The following ANO2 variants were observed in gnomAD, a reference collection of about 807,000 sequenced individuals.
ANO2 encodes anoctamin-2.
A neutral mutation model predicts 124.2 loss-of-function variants in ANO2; 101 were observed. The observed-to-expected ratio is 0.81, with a 90% CI of 0.69 to 0.96. The LOEUF is 0.96. Among genes scored for constraint, ANO2 ranks in the 40% least tolerant of loss-of-function variants. The pLI, the probability that ANO2 is intolerant of heterozygous loss-of-function variation, is 0.00. For synonymous variants in ANO2, 486 were observed against 482.5 expected (o/e 1.01, Z -0.09); for missense variants, 1,293 against 1,274.5 (o/e 1.01, Z -0.22).
chr12:5,827,302 C>T lies in ANO2; in HGVS notation c.892+467G>A, dbSNP rs1382036970. ...GAATGCTGAAGTTAGAAGAGGCTCA[C>T]TCAGACTCAGCTATCACGTGCTGTG... On this transcript the variant is annotated intron_variant, in intron 7 of 24. Transcript: ENST00000682330. Among the ~76,000 whole-genome samples the T allele has an allele frequency of 2.6e-5, 4 of 152,310 alleles. No homozygotes were observed. The East Asian group carries it at 7.7e-4, about 29-fold the overall frequency.
chr12:5,884,808 C>T (rs139405030), intron 3 of ANO2, among the ~76,000 whole-genome samples: 1 of 152,310 alleles, frequency 6.6e-6, no homozygotes, highest in South Asian at 2.1e-4. Flanking sequence ...GGCAAACCCA[C>T]TCTCCTCCCA....
intron 7 of ANO2, among the ~76,000 whole-genome samples, chr12:5,812,591 G>GAAGA (rs1555168013): frequency 9.3e-6 from 1 of 106,990 alleles, no homozygotes; most frequent in African/African-American, 3.6e-5. Flanking sequence ...GAGAAAGAAA[G>GAAGA]AGGAAGAAGA....
At chr12:5,903,375 T>C (rs1291672624) in intron 3 of ANO2, among the ~76,000 whole-genome samples, 1 of 152,210 alleles carries the variant, frequency 6.6e-6, no homozygotes, top group Non-Finnish European at 1.5e-5. Context: ...TTTAATTATT[T>C]GTTTCCTGGA....
intron 3 of ANO2, among the ~76,000 whole-genome samples, chr12:5,907,406 G>T: frequency 6.6e-6 from 1 of 152,156 alleles, no homozygotes. Flanking sequence ...CATAATCATG[G>T]TATTCAAATA....
intron 14 of ANO2, among the ~76,000 whole-genome samples, chr12:5,694,068 G>A (rs1261273235): frequency 1.3e-5 from 2 of 152,108 alleles, no homozygotes; most frequent in African/African-American, 4.8e-5. Flanking sequence ...CAGCCCCAGA[G>A]TTTGTGCCTG....
chr12:5,760,563 T>C (rs913330836), intron 10 of ANO2, among the ~76,000 whole-genome samples: 3 of 152,204 alleles, frequency 2.0e-5, no homozygotes, highest in South Asian at 4.1e-4. Context: ...TGCTAGCTTT[T>C]AGGGGTTTCC....
chr12:5,858,655 T>C (rs1045523557), intron 3 of ANO2: 1 of 152,242 alleles, frequency 6.6e-6, no homozygotes, highest in Non-Finnish European at 1.5e-5. Context: ...GCATGGCTGT[T>C]GTGAGAACTG....
At chr12:5,748,459 T>C (rs769755271) in intron 11 of ANO2, among the ~76,000 whole-genome samples, 1 of 152,190 alleles carries the variant, frequency 6.6e-6, no homozygotes, top group Non-Finnish European at 1.5e-5. Flanking sequence ...GGAAAACTTC[T>C]CTGCTTATTA....
intron 15 of ANO2, 61 bp downstream of exon 15, chr12:5,647,666 A>T: frequency 8.1e-7 from 1 of 1,235,712 alleles, no homozygotes; most frequent in Non-Finnish European, 1.2e-6. Flanking sequence ...TACCCACAGT[A>T]GTCACATAAC....
At chr12:5,705,936 G>C (rs1949591022) in intron 14 of ANO2, among the ~76,000 whole-genome samples, 1 of 152,164 alleles carries the variant, frequency 6.6e-6, no homozygotes, top group South Asian at 2.1e-4. Context: ...GGTTCACAAA[G>C]CCCTGTGGCT....
intron 3 of ANO2, chr12:5,858,728 G>C (rs971108434): frequency 6.6e-6 from 1 of 152,156 alleles, no homozygotes; most frequent in African/African-American, 2.4e-5. Context: ...ATAAACATCA[G>C]GCATTACTAT....
At chr12:5,735,849 G>T (rs1950840139) in intron 13 of ANO2, among the ~76,000 whole-genome samples, 1 of 152,180 alleles carries the variant, frequency 6.6e-6, no homozygotes, top group African/African-American at 2.4e-5. Flanking sequence ...CAGAGGATTT[G>T]GTTTCCTGTG....
chr12:5,624,126 C>G (rs1054199560), intron 16 of ANO2, among the ~76,000 whole-genome samples: 3 of 152,100 alleles, frequency 2.0e-5, no homozygotes, highest in Non-Finnish European at 2.9e-5. Flanking sequence ...AACTCTTGCC[C>G]CTATGCAAAG....
intron 11 of ANO2, among the ~76,000 whole-genome samples, chr12:5,748,162 G>A (rs985433598): frequency 7.2e-5 from 11 of 152,226 alleles, no homozygotes; most frequent in South Asian, 2.1e-4. Flanking sequence ...GACGTCTATC[G>A]TTGCAGCATG....
At chr12:5,816,046 TG>T (rs147309944) in intron 7 of ANO2, among the ~76,000 whole-genome samples, 102 of 152,212 alleles carry the variant, frequency 6.7e-4, no homozygotes, top group African/African-American at 2.4e-3. Flanking sequence ...CTTTGTAAGT[TG>T]GTTGCAAAAG....
intron 14 of ANO2, among the ~76,000 whole-genome samples, chr12:5,707,709 G>A (rs997839918): frequency 6.6e-6 from 1 of 152,160 alleles, no homozygotes; most frequent in African/African-American, 2.4e-5. Flanking sequence ...GTTTATCTTT[G>A]AAACATTTCC....
chr12:5,626,654 A>C (rs1186744458), intron 16 of ANO2, among the ~76,000 whole-genome samples: 1 of 152,170 alleles, frequency 6.6e-6, no homozygotes, highest in African/African-American at 2.4e-5. Flanking sequence ...GGTTCAAAGG[A>C]AGCGACTCTA....
At chr12:5,839,071 G>A (rs1376436743) in intron 4 of ANO2, among the ~76,000 whole-genome samples, 1 of 152,198 alleles carries the variant, frequency 6.6e-6, no homozygotes, top group African/African-American at 2.4e-5. Flanking sequence ...CAAGATACTG[G>A]ACATCAGGCA....
intron 19 of ANO2, among the ~76,000 whole-genome samples, chr12:5,608,392 C>G (rs996240369): frequency 2.0e-5 from 3 of 151,500 alleles, no homozygotes; most frequent in African/African-American, 7.3e-5. Context: ...AATTTTTGTT[C>G]TACATCCTTG....
Sources: allele counts gnomAD v4.1 joint callset (sites outside exome capture counted in the v4.1 genomes callset), GRCh38; gene constraint gnomAD v4.1.1; transcripts MANE v1.5; gene names NCBI Gene and HGNC (gene_info 2026-07-23, HGNC 2026-07-21).